Variants in ABCC12 observed in about 807,000 individuals in gnomAD.
ABCC12 encodes the protein ATP binding cassette subfamily C member 12, also known as ATP-binding cassette sub-family C member 12.
Under a neutral mutation model 151.1 loss-of-function variants are expected in ABCC12, and 142 were observed. The ratio of observed to expected loss-of-function variants is 0.94; its 90% CI spans 0.82 to 1.08. The LOEUF is 1.08. Among genes scored for constraint, ABCC12 ranks in the 50% least tolerant of loss-of-function variants. ABCC12 has a pLI of 0.00. For synonymous variants in ABCC12, 645 were observed against 646.4 expected, an observed-to-expected ratio of 1.00 and a Z score of 0.03; for missense variants, 1,638 against 1,691.1, an observed-to-expected ratio of 0.97 and a Z score of 0.55.
chr16:48,132,782 C>G (rs769671382), intron 9 of ABCC12, among the ~76,000 whole-genome samples: 3 of 152,182 alleles, frequency 2.0e-5, no homozygotes, highest in Non-Finnish European at 4.4e-5. Flanking sequence ...TGTATAGGAC[C>G]TAAGAGCCTG....
intron 27 of ABCC12, 46 bp from the exon 28 acceptor site, chr16:48,086,865 C>T (rs368672591): frequency 3.4e-5 from 52 of 1,514,108 alleles, no homozygotes; most frequent in African/African-American, 1.8e-4. Context: ...TTTCCAAGGA[C>T]GAGAGGATGG....
At chr16:48,145,680 A>G (rs1964974532) in intron 3 of ABCC12, among the ~76,000 whole-genome samples, 1 of 152,186 alleles carries the variant, frequency 6.6e-6, no homozygotes, top group African/African-American at 2.4e-5. Flanking sequence ...TGTGTGACCG[A>G]GCCTGGGCTA....
At chr16:48,144,962 G>A (rs59404336) in intron 3 of ABCC12, among the ~76,000 whole-genome samples, 4,962 of 152,182 alleles carry the variant, frequency 0.033, 257 homozygotes, top group African/African-American at 0.11. Flanking sequence ...AGAGTTTAGA[G>A]TATTTGCCCA....
At chr16:48,123,444 T>C (rs1351748222) in intron 12 of ABCC12, among the ~76,000 whole-genome samples, 2 of 152,078 alleles carry the variant, frequency 1.3e-5, no homozygotes, top group Non-Finnish European at 2.9e-5. Context: ...CCAAAAGAAG[T>C]CACTCATATT....
chr16:48,148,069 T>A (rs1401061288), intron 2 of ABCC12, among the ~76,000 whole-genome samples: 1 of 152,110 alleles, frequency 6.6e-6, no homozygotes, highest in African/African-American at 2.4e-5. Flanking sequence ...AGCCTCAGCC[T>A]ACTGAGTAGC....
chr16:48,115,329 A>G, intron 15 of ABCC12, 86 bp downstream of exon 15: 1 of 1,424,540 alleles, frequency 7.0e-7, no homozygotes. Flanking sequence ...AGACAGGCAG[A>G]TATAGGCAGA....
intron 3 of ABCC12, among the ~76,000 whole-genome samples, chr16:48,145,715 G>A (rs889424978): frequency 2.6e-5 from 4 of 152,194 alleles, no homozygotes; most frequent in South Asian, 2.1e-4. Flanking sequence ...GAGCACACGC[G>A]GGGTCCAGTT....
chr16:48,140,920 T>A lies in ABCC12; in HGVS notation c.424A>T (p.Thr142Ser). The change falls in exon 6 of 31, where the codon ACA becomes TCA. Residue 142 changes from threonine (T) to serine (S), a missense_variant and splice_region_variant. Transcript: ENST00000311303. ...TGGAGGATTTGGTGAATGAGAACTG[T>A]CTGTAAAACAGCATGGTGGGGAGAA... ...LCIIMAAIGP[T>S]VLIHQILQQT... 2 of 1,612,898 alleles carry A rather than the reference T, an allele frequency of 1.2e-6. No homozygotes were observed.
chr16:48,104,451 G>T (rs1247679263), intron 21 of ABCC12, 83 bp from the exon 22 acceptor site: 6 of 1,312,378 alleles, frequency 4.6e-6, no homozygotes, highest in South Asian at 1.2e-5. Context: ...GAAATTGTGA[G>T]CACAGGGCCT....
intron 24 of ABCC12, among the ~76,000 whole-genome samples, chr16:48,095,087 T>A (rs1197107239): frequency 6.6e-6 from 1 of 152,246 alleles, no homozygotes; most frequent in East Asian, 1.9e-4. Flanking sequence ...ATGGTTTGGC[T>A]TTGTCCCCAC....
intron 11 of ABCC12, among the ~76,000 whole-genome samples, chr16:48,124,759 C>A (rs1235018003): frequency 6.6e-6 from 1 of 152,212 alleles, no homozygotes; most frequent in Non-Finnish European, 1.5e-5. Context: ...TAACATTCTA[C>A]AGCTCCAGAT....
chr16:48,091,009 C>T, intron 25 of ABCC12, 111 bp downstream of exon 25: 1 of 1,074,726 alleles, frequency 9.3e-7, no homozygotes. Flanking sequence ...CCACGCCCGG[C>T]CCGATTTCCG....
rs371929397 is a variant in ABCC12 at position 48,098,538 on chromosome 16, CA to C, written c.3039-1637del. On this transcript the variant is annotated intron_variant, in intron 23 of 30. Coordinates refer to ENST00000311303, the MANE Select transcript of ABCC12 (RefSeq NM_001393797.1). The stretch of plus-strand genomic sequence containing the variant: ...TAACTTATTTTCCCCAGAGCTTAGT[CA>C]AAATATTCTTCAAAACACAGTGCTG... Among the ~76,000 whole-genome samples the C allele has an allele frequency of 1.1e-4, 16 of 152,288 alleles. No individual in the cohort carries two copies. The East Asian group carries it at 2.7e-3, about 26-fold the overall frequency.
chr16:48,139,754 G>A (rs916479155), intron 6 of ABCC12, among the ~76,000 whole-genome samples: 1 of 152,206 alleles, frequency 6.6e-6, no homozygotes, highest in African/African-American at 2.4e-5. Flanking sequence ...TGAGGGCAAT[G>A]TGATGTAAGC....
chr16:48,140,471 T>C (rs1964765816), intron 6 of ABCC12, among the ~76,000 whole-genome samples: 1 of 152,112 alleles, frequency 6.6e-6, no homozygotes. Flanking sequence ...CTAGGAAGTC[T>C]CTCCAAATTC....
At chr16:48,102,753 T>C (rs923050769) in intron 22 of ABCC12, among the ~76,000 whole-genome samples, 4 of 152,160 alleles carry the variant, frequency 2.6e-5, no homozygotes, top group African/African-American at 9.7e-5. Flanking sequence ...CATCCGAAAC[T>C]AAACTCGTAT....
intron 2 of ABCC12, among the ~76,000 whole-genome samples, chr16:48,150,554 C>A (rs1965103427): frequency 6.6e-6 from 1 of 152,070 alleles, no homozygotes; most frequent in Non-Finnish European, 1.5e-5. Context: ...ATATACAATA[C>A]ACAAATTCAT....
intron 2 of ABCC12, among the ~76,000 whole-genome samples, chr16:48,151,511 G>A (rs917947494): frequency 6.6e-6 from 1 of 152,176 alleles, no homozygotes; most frequent in African/African-American, 2.4e-5. Context: ...AGTTAACAAT[G>A]TAGCAATATT....
At position 48,083,269 on chromosome 16, in the gene ABCC12, G is replaced by A. The variant is rs76912927; in HGVS notation, c.*446C>T. 6.2e-3 allele frequency: 1,028 copies of A among 165,486 alleles called. 13 individuals carry two copies. The highest frequency in any genetic ancestry group is 0.023 in the African/African-American group (967 of 41,780). The allele number at this position is 165,486 out of a possible 1,614,324, so 10.3% of individuals were successfully genotyped here. ...TCACCCAGTCAAGATGGAAGTGAGT[G>A]GGGTTAAACGAGAAGAAAATTCTGC... On this transcript the variant is annotated 3_prime_UTR_variant, in exon 31 of 31. Coordinates refer to ENST00000311303, the MANE Select transcript of ABCC12 (RefSeq NM_001393797.1).
Sources: allele counts gnomAD v4.1 joint callset (sites outside exome capture counted in the v4.1 genomes callset), GRCh38; gene constraint gnomAD v4.1.1; transcripts MANE v1.5; gene names NCBI Gene and HGNC (gene_info 2026-07-23, HGNC 2026-07-21).